GABRA2: variants seen among roughly 807,000 people sequenced by gnomAD.
The protein encoded by GABRA2 is gamma-aminobutyric acid receptor subunit alpha-2.
A neutral mutation model predicts 48.7 loss-of-function variants in GABRA2; 16 were observed. The observed-to-expected ratio is 0.33, with a 90% CI of 0.22 to 0.50. The LOEUF (loss-of-function observed/expected upper bound fraction) is 0.50. Among genes scored for constraint, GABRA2 ranks in the 20% least tolerant of loss-of-function variants. GABRA2 has a pLI of 0.98. For missense variants in GABRA2, 275 were observed against 535.6 expected, an observed-to-expected ratio of 0.51 and a Z score of 4.80; for synonymous variants, 185 against 184.5, an observed-to-expected ratio of 1.00 and a Z score of -0.02.
At chr4:46,338,545 T>C (rs1396898556) in intron 3 of GABRA2, among the ~76,000 whole-genome samples, 1 of 151,956 alleles carries the variant, frequency 6.6e-6, no homozygotes, top group African/African-American at 2.4e-5. Context: ...ATAAAGTTAA[T>C]AATAAATTCT....
chr4:46,293,555 G>C (rs778447729), intron 8 of GABRA2, among the ~76,000 whole-genome samples: 2 of 152,180 alleles, frequency 1.3e-5, no homozygotes, highest in Non-Finnish European at 2.9e-5. Context: ...TCTGACTACA[G>C]TTGGTCCAGT....
chr4:46,349,940 C>T (rs1046028261), intron 3 of GABRA2, among the ~76,000 whole-genome samples: 1 of 151,798 alleles, frequency 6.6e-6, no homozygotes, highest in Non-Finnish European at 1.5e-5. Flanking sequence ...TAAGTAGCAA[C>T]CCTTAAGTAC....
At chr4:46,337,650 CAAAA>C (rs71652880) in intron 3 of GABRA2, among the ~76,000 whole-genome samples, 9 of 107,730 alleles carry the variant, frequency 8.4e-5, no homozygotes, top group East Asian at 5.3e-4. Context: ...TTGTTAAGAC[CAAAA>C]AAAAAAAAAA....
intron 3 of GABRA2, among the ~76,000 whole-genome samples, chr4:46,355,309 C>T (rs577444386): frequency 1.3e-5 from 2 of 152,110 alleles, no homozygotes; most frequent in Non-Finnish European, 2.9e-5. Flanking sequence ...TTTCAATGCA[C>T]TAAACTATAT....
intron 3 of GABRA2, among the ~76,000 whole-genome samples, chr4:46,348,955 C>A (rs559166916): frequency 6.6e-6 from 1 of 151,736 alleles, no homozygotes; most frequent in East Asian, 1.9e-4. Flanking sequence ...AAAGAAATTG[C>A]CACAGCTATC....
intron 4 of GABRA2, among the ~76,000 whole-genome samples, chr4:46,320,283 T>C (rs1027002723): frequency 1.3e-5 from 2 of 151,742 alleles, no homozygotes; most frequent in Non-Finnish European, 2.9e-5. Flanking sequence ...TACACAAAAA[T>C]CAACTCAAGG....
At chr4:46,286,301 A>G (rs1387360526) in intron 8 of GABRA2, among the ~76,000 whole-genome samples, 5 of 152,116 alleles carry the variant, frequency 3.3e-5, no homozygotes, top group Admixed American at 2.6e-4. Flanking sequence ...CATTATGGAT[A>G]AATAATATCA....
chr4:46,332,551 T>A, intron 4 of GABRA2, 64 bp downstream of exon 4: 1 of 908,066 alleles, frequency 1.1e-6, no homozygotes, highest in African/African-American at 1.6e-5. Flanking sequence ...AATGCTAGTT[T>A]ATTTGAAATT....
chr4:46,387,001 T>C (rs1578254395), intron 2 of GABRA2: 1 of 152,338 alleles, frequency 6.6e-6, no homozygotes, highest in East Asian at 1.9e-4. Flanking sequence ...TTTTCTCCAT[T>C]ATTTCTCCAT....
chr4:46,325,523 G>T (rs1393014467), intron 4 of GABRA2, among the ~76,000 whole-genome samples: 2 of 151,976 alleles, frequency 1.3e-5, no homozygotes, highest in Non-Finnish European at 2.9e-5. Flanking sequence ...TATTCTGTAG[G>T]TTGTCTGTTT....
At chr4:46,347,278 T>C (rs546577600) in intron 3 of GABRA2, among the ~76,000 whole-genome samples, 1 of 152,030 alleles carries the variant, frequency 6.6e-6, no homozygotes, top group South Asian at 2.1e-4. Flanking sequence ...ATATCTTGAA[T>C]AGCCAAAGCA....
chr4:46,305,473 G>C, intron 7 of GABRA2, 95 bp downstream of exon 7: 4 of 1,142,532 alleles, frequency 3.5e-6, no homozygotes, highest in Non-Finnish European at 5.0e-6. Context: ...TGGACCTCAA[G>C]AGCAAAAGAT....
chr4:46,378,357 A>G (rs970492362), intron 3 of GABRA2, among the ~76,000 whole-genome samples: 2 of 151,760 alleles, frequency 1.3e-5, no homozygotes, highest in Non-Finnish European at 2.9e-5. Flanking sequence ...CTGTGACCTT[A>G]CCCCCAACCC....
At chr4:46,373,077 G>A (rs1055570626) in intron 3 of GABRA2, among the ~76,000 whole-genome samples, 1 of 152,188 alleles carries the variant, frequency 6.6e-6, no homozygotes, top group Admixed American at 6.5e-5. Flanking sequence ...ATCTGAGGCT[G>A]AGATGACTGT....
At chr4:46,325,283 C>T (rs1730163746) in intron 4 of GABRA2, among the ~76,000 whole-genome samples, 1 of 151,904 alleles carries the variant, frequency 6.6e-6, no homozygotes, top group African/African-American at 2.4e-5. Context: ...TGCCATCTGA[C>T]TGAGGTGAGA....
rs1241626861 is a variant in GABRA2, at chr4:46,245,989, C to CA, written c.*4318dup. Among the ~76,000 whole-genome samples, 1 of 150,188 alleles carries CA rather than the reference C, an allele frequency of 6.7e-6. No individual in the cohort carries two copies. Among genetic ancestry groups the CA allele is most frequent in the African/African-American group, 2.4e-5 (1 of 41,022 alleles). ...ATATGTTGATAATTAAGAATTTTAGCAAAAAAACAAAATTATGATATATAA... is the reference window on the plus strand; with the variant it reads ...ATATGTTGATAATTAAGAATTTTAGCAAAAAAAACAAAATTATGATATATAA... On this transcript the variant is annotated 3_prime_UTR_variant, in exon 10 of 10. Transcript: ENST00000381620.
intron 8 of GABRA2, among the ~76,000 whole-genome samples, chr4:46,286,024 T>C (rs1240170127): frequency 1.3e-5 from 2 of 152,106 alleles, no homozygotes; most frequent in Non-Finnish European, 2.9e-5. Flanking sequence ...TTCACAGTGT[T>C]CTGCAACCAC....
chr4:46,306,183 A>G (rs980969453), intron 6 of GABRA2, among the ~76,000 whole-genome samples: 11 of 152,236 alleles, frequency 7.2e-5, no homozygotes, highest in Admixed American at 2.0e-4. Context: ...AATACAATGC[A>G]TTTCATTAGA....
chr4:46,350,517 C>A (rs1734944938), intron 3 of GABRA2, among the ~76,000 whole-genome samples: 1 of 151,468 alleles, frequency 6.6e-6, no homozygotes, highest in Non-Finnish European at 1.5e-5. Flanking sequence ...ACATACATAC[C>A]TGTATATAAA....
Sources: allele counts gnomAD v4.1 joint callset (sites outside exome capture counted in the v4.1 genomes callset), GRCh38; gene constraint gnomAD v4.1.1; transcripts MANE v1.5; gene names NCBI Gene and HGNC (gene_info 2026-07-23, HGNC 2026-07-21).